The following CSMD1 variants were observed in gnomAD, a reference collection of about 807,000 sequenced individuals.
CSMD1 encodes CUB and Sushi multiple domains 1.
Under a neutral mutation model 417.5 loss-of-function variants are expected in CSMD1, and 213 were observed. The observed-to-expected ratio is 0.51, with a 90% CI of 0.46 to 0.57. The LOEUF (loss-of-function observed/expected upper bound fraction) is 0.57. Ranked by LOEUF, CSMD1 falls within the 20% of genes least tolerant of loss-of-function variation. The pLI, the probability that CSMD1 is intolerant of heterozygous loss-of-function variation, is 0.00. For missense variants in CSMD1, 6,923 were observed against 4,529.7 expected (o/e 1.53, Z -15.17); for synonymous variants, 2,862 against 1,736.8 (o/e 1.65, Z -16.11).
chr8:4,248,971 T>C (rs972373573), intron 3 of CSMD1, among the ~76,000 whole-genome samples: 1 of 152,322 alleles, frequency 6.6e-6, no homozygotes, highest in South Asian at 2.1e-4. Context: ...TTTAATATCA[T>C]AATTCAAAAC....
intron 46 of CSMD1, among the ~76,000 whole-genome samples, chr8:3,099,495 C>T (rs1815579800): frequency 6.6e-6 from 1 of 152,150 alleles, no homozygotes; most frequent in Non-Finnish European, 1.5e-5. Context: ...CAAAAAAATG[C>T]TACCAGAGGG....
At chr8:4,419,616 A>C (rs1449802290) in intron 3 of CSMD1, among the ~76,000 whole-genome samples, 2 of 152,220 alleles carry the variant, frequency 1.3e-5, no homozygotes, top group African/African-American at 4.8e-5. Flanking sequence ...AAATTTAATG[A>C]AACTCTTCTG....
chr8:3,429,745 T>A (rs944650390), intron 12 of CSMD1, among the ~76,000 whole-genome samples: 1 of 152,246 alleles, frequency 6.6e-6, no homozygotes, highest in Non-Finnish European at 1.5e-5. Context: ...TAAAATTTTC[T>A]ATGAAATAAA....
chr8:4,053,313 G>A (rs1199087680), intron 3 of CSMD1, among the ~76,000 whole-genome samples: 1 of 152,096 alleles, frequency 6.6e-6, no homozygotes, highest in Non-Finnish European at 1.5e-5. Flanking sequence ...GAATGCATGA[G>A]AATAATAAAA....
chr8:4,807,462 C>A (rs1413251372), intron 1 of CSMD1, among the ~76,000 whole-genome samples: 1 of 152,156 alleles, frequency 6.6e-6, no homozygotes, highest in Non-Finnish European at 1.5e-5. Context: ...TGAGCTGAAA[C>A]CTTGTCTTAT....
In CSMD1 at chr8:4,415,565, A is replaced by G. The variant is rs531616463; in HGVS notation, c.415+4388T>C. On this transcript the variant is annotated intron_variant, in intron 3 of 69. Transcript: ENST00000635120. ...CCGGAATGACTATTGAGTCACACCAATTACACCAGTGTTCTGTTTGATTGT... is the reference window on the plus strand; with the variant it reads ...CCGGAATGACTATTGAGTCACACCAGTTACACCAGTGTTCTGTTTGATTGT... Among the ~76,000 whole-genome samples the G allele has an allele frequency of 3.9e-4, 60 of 152,338 alleles. 1 individual carries two copies. The highest frequency in any genetic ancestry group is 1.2e-3 in the African/African-American group (50 of 41,588).
intron 3 of CSMD1, among the ~76,000 whole-genome samples, chr8:4,397,120 G>T (rs1474105180): frequency 6.6e-6 from 1 of 151,800 alleles, no homozygotes; most frequent in Non-Finnish European, 1.5e-5. Flanking sequence ...ATAACCATCT[G>T]CACGCCATCA....
At chr8:3,210,980 C>T (rs927532446) in intron 30 of CSMD1, among the ~76,000 whole-genome samples, 4 of 151,976 alleles carry the variant, frequency 2.6e-5, no homozygotes, top group Admixed American at 2.6e-4. Context: ...GGGAAAAATA[C>T]ACCAGGGGAT....
chr8:3,110,199 G>C lies in CSMD1; in HGVS notation c.6567C>G (p.Thr2189=), dbSNP rs778329445. 1 of 1,612,914 alleles carries C rather than the reference G, an allele frequency of 6.2e-7. No homozygotes were observed. The highest frequency in any genetic ancestry group is 1.3e-5 in the African/African-American group (1 of 74,890). The change falls in exon 43 of 70, where the codon ACC becomes ACG. Residue 2189 remains threonine (T), a synonymous_variant. Coordinates refer to ENST00000635120, the MANE Select transcript of CSMD1 (RefSeq NM_033225.6). ...CGTTGACAGCTTCCGTCTGTAACAGGGTGAAGTTGATGTAAACTCCGTGCC... is the reference window on the plus strand; with the variant it reads ...CGTTGACAGCTTCCGTCTGTAACAGCGTGAAGTTGATGTAAACTCCGTGCC... ...PPGHGVYINF[T]LLQTEAVNDY... is the part of the protein sequence containing the mutation.
At chr8:3,590,561 T>C (rs886670152) in intron 8 of CSMD1, among the ~76,000 whole-genome samples, 60 of 152,188 alleles carry the variant, frequency 3.9e-4, no homozygotes, top group African/African-American at 1.2e-3. Flanking sequence ...ATTCAGTACA[T>C]TGAGAGTACA....
chr8:3,384,448 GC>G (rs1188427924), intron 18 of CSMD1, among the ~76,000 whole-genome samples: 1 of 151,038 alleles, frequency 6.6e-6, no homozygotes, highest in East Asian at 1.9e-4. Context: ...GAATCCTTAC[GC>G]TATTGCACTA....
At chr8:4,977,377 T>C (rs4242498) in intron 1 of CSMD1, among the ~76,000 whole-genome samples, 152,175 of 152,240 alleles carry the variant, frequency 1, 76,055 homozygotes, top group Middle Eastern at 1. Flanking sequence ...GCAGCTCTCC[T>C]CATGGCACAA....
At chr8:4,131,786 G>A (rs2680622) in intron 3 of CSMD1, among the ~76,000 whole-genome samples, 12,500 of 105,158 alleles carry the variant, frequency 0.12, 759 homozygotes, top group Middle Eastern at 0.26. Context: ...TTTTTGAGAC[G>A]GAGTCTCGCT....
At chr8:3,536,962 A>C (rs1798227541) in intron 10 of CSMD1, among the ~76,000 whole-genome samples, 1 of 152,132 alleles carries the variant, frequency 6.6e-6, no homozygotes, top group South Asian at 2.1e-4. Flanking sequence ...GAGCTTTCAC[A>C]TGCAACATTG....
intron 5 of CSMD1, among the ~76,000 whole-genome samples, chr8:3,817,292 T>TTTTTTTTTTA (rs1563109891): frequency 3.2e-5 from 3 of 93,548 alleles, no homozygotes; most frequent in African/African-American, 1.6e-4. Context: ...TTTTTTTTTT[T>TTTTTTTTTTA]TTTTTTGAGA....
intron 5 of CSMD1, among the ~76,000 whole-genome samples, chr8:3,767,731 G>A (rs1395033179): frequency 6.6e-6 from 1 of 152,152 alleles, no homozygotes; most frequent in East Asian, 1.9e-4. Flanking sequence ...TGCGTTAAGA[G>A]AAGTGAACCT....
chr8:4,229,797 TC>T (rs1397602109), intron 3 of CSMD1, among the ~76,000 whole-genome samples: 1 of 152,148 alleles, frequency 6.6e-6, no homozygotes, highest in African/African-American at 2.4e-5. Context: ...ACTCACTCCT[TC>T]CTTTTTTCCC....
At chr8:4,839,581 G>A (rs1225876033) in intron 1 of CSMD1, among the ~76,000 whole-genome samples, 2 of 152,136 alleles carry the variant, frequency 1.3e-5, no homozygotes, top group Non-Finnish European at 1.5e-5. Context: ...CGGCCCAAGA[G>A]ATGAAATAAC....
intron 3 of CSMD1, among the ~76,000 whole-genome samples, chr8:4,187,172 G>A (rs1013875188): frequency 6.6e-6 from 1 of 152,002 alleles, no homozygotes; most frequent in Non-Finnish European, 1.5e-5. Flanking sequence ...TTAAAAATAA[G>A]TTGCTTTAAA....
Sources: allele counts gnomAD v4.1 joint callset (sites outside exome capture counted in the v4.1 genomes callset), GRCh38; gene constraint gnomAD v4.1.1; transcripts MANE v1.5; gene names NCBI Gene and HGNC (gene_info 2026-07-23, HGNC 2026-07-21).